Variants in SYT14 observed in about 807,000 individuals in gnomAD.
The protein encoded by SYT14 is synaptotagmin 14.
In SYT14, 32 loss-of-function variants were observed where a neutral mutation model predicts 74.2. The ratio of observed to expected loss-of-function variants is 0.43; its 90% CI spans 0.33 to 0.58. SYT14 has a LOEUF of 0.58. Ranked by LOEUF, SYT14 falls within the 20% of genes least tolerant of loss-of-function variation. The pLI is 0.05. For missense variants in SYT14, 791 were observed against 981.8 expected, an observed-to-expected ratio of 0.81 and a Z score of 2.60; for synonymous variants, 298 against 337.7, an observed-to-expected ratio of 0.88 and a Z score of 1.29.
At chr1:210,009,790 C>G (rs2080052719) in intron 2 of SYT14, among the ~76,000 whole-genome samples, 1 of 152,082 alleles carries the variant, frequency 6.6e-6, no homozygotes, top group Admixed American at 6.5e-5. Context: ...AATTATCTGT[C>G]ATTCTCCTTC....
At chr1:210,161,749 A>T (rs1306673099) in exon 10 of SYT14, 18 of 453,798 alleles carry the variant, frequency 4.0e-5, no homozygotes, top group Admixed American at 3.1e-4. Context: ...AAGTCACTGT[A>T]CTGGTCCCTT....
intron 1 of SYT14, among the ~76,000 whole-genome samples, 156 bp downstream of exon 1, chr1:209,938,433 C>G (rs984872212): frequency 1.3e-5 from 2 of 151,642 alleles, no homozygotes; most frequent in African/African-American, 4.8e-5. Flanking sequence ...TCTCGGGAGG[C>G]GGGTGGGCGG....
intron 2 of SYT14, among the ~76,000 whole-genome samples, chr1:209,967,789 T>A (rs980053472): frequency 6.6e-6 from 1 of 152,092 alleles, no homozygotes; most frequent in Non-Finnish European, 1.5e-5. Flanking sequence ...ATTGTGTATC[T>A]GCTTTCTAGT....
chr1:209,964,699 C>T (rs1026454204), intron 2 of SYT14, among the ~76,000 whole-genome samples: 1 of 152,094 alleles, frequency 6.6e-6, no homozygotes. Context: ...ACTTCCTCAG[C>T]AATGAAAATG....
At chr1:210,015,502 A>G (rs1425591526) in intron 3 of SYT14, among the ~76,000 whole-genome samples, 1 of 152,196 alleles carries the variant, frequency 6.6e-6, no homozygotes, top group Non-Finnish European at 1.5e-5. Flanking sequence ...AGGTGTCCAC[A>G]CTTCCTCTCC....
chr1:210,022,108 A>G (rs948278091), intron 5 of SYT14, among the ~76,000 whole-genome samples: 21 of 152,180 alleles, frequency 1.4e-4, no homozygotes, highest in African/African-American at 4.8e-4. Flanking sequence ...CATTTTTATC[A>G]TTATACATAA....
intron 7 of SYT14, among the ~76,000 whole-genome samples, chr1:210,145,003 A>T (rs1208054716): frequency 6.6e-6 from 1 of 152,204 alleles, no homozygotes; most frequent in Non-Finnish European, 1.5e-5. Flanking sequence ...CAGAAATGTG[A>T]TAGACTAGTA....
chr1:209,957,580 C>T (rs2079013514), intron 2 of SYT14, among the ~76,000 whole-genome samples: 1 of 152,052 alleles, frequency 6.6e-6, no homozygotes, highest in Non-Finnish European at 1.5e-5. Flanking sequence ...GCATGCACCA[C>T]CATGCCCGGC....
At chr1:210,009,471 AG>A (rs1454602155) in intron 2 of SYT14, among the ~76,000 whole-genome samples, 3 of 152,122 alleles carry the variant, frequency 2.0e-5, no homozygotes, top group African/African-American at 7.2e-5. Context: ...TGTTTACAGC[AG>A]GCATATTTCA....
intron 5 of SYT14, among the ~76,000 whole-genome samples, chr1:210,045,257 T>C (rs1468364262): frequency 6.6e-6 from 1 of 152,206 alleles, no homozygotes; most frequent in East Asian, 1.9e-4. Context: ...CTTGTCAAAC[T>C]AAGATCTGTT....
intron 2 of SYT14, among the ~76,000 whole-genome samples, chr1:209,999,965 C>T (rs2079864320): frequency 6.6e-6 from 1 of 152,048 alleles, no homozygotes; most frequent in Admixed American, 6.6e-5. Flanking sequence ...TAAAGTACTC[C>T]AACTTGGTCA....
At chr1:210,003,999 T>G (rs927911155) in intron 2 of SYT14, among the ~76,000 whole-genome samples, 1 of 152,094 alleles carries the variant, frequency 6.6e-6, no homozygotes, top group Non-Finnish European at 1.5e-5. Context: ...AATTTTACTT[T>G]GAAATTGGAG....
At chr1:210,067,154 A>G (rs947762723) in intron 5 of SYT14, among the ~76,000 whole-genome samples, 1 of 152,008 alleles carries the variant, frequency 6.6e-6, no homozygotes, top group African/African-American at 2.4e-5. Flanking sequence ...TCATTGATCT[A>G]CGTGTCTGTC....
chr1:210,139,097 T>A (rs1477509950), intron 7 of SYT14, among the ~76,000 whole-genome samples: 37 of 151,258 alleles, frequency 2.4e-4, no homozygotes. Context: ...TTTATTTTTT[T>A]TTTTTTTGAG....
At chr1:209,973,896 C>G (rs561495358) in intron 2 of SYT14, among the ~76,000 whole-genome samples, 1 of 152,020 alleles carries the variant, frequency 6.6e-6, no homozygotes, top group Non-Finnish European at 1.5e-5. Flanking sequence ...TTTTAATGAT[C>G]GCCATTCTAA....
intron 2 of SYT14, among the ~76,000 whole-genome samples, chr1:209,999,159 A>G (rs1384524958): frequency 1.3e-5 from 2 of 152,014 alleles, no homozygotes; most frequent in Middle Eastern, 3.2e-3. Flanking sequence ...AGACAGTTTC[A>G]TATCACTGAT....
At chr1:210,159,601 T>C in intron 9 of SYT14, 124 bp downstream of exon 8, 1 of 813,902 alleles carries the variant, frequency 1.2e-6, no homozygotes, top group Non-Finnish European at 2.1e-6. Flanking sequence ...TTATTATCTG[T>C]GGTACTTTAA....
At chr1:209,975,505 G>A (rs1204659452) in intron 2 of SYT14, among the ~76,000 whole-genome samples, 2 of 152,112 alleles carry the variant, frequency 1.3e-5, no homozygotes, top group Non-Finnish European at 2.9e-5. Flanking sequence ...GCTGGATTAC[G>A]TTTATTGATT....
intron 5 of SYT14, among the ~76,000 whole-genome samples, chr1:210,055,513 A>G (rs1032955441): frequency 5.3e-5 from 8 of 152,074 alleles, no homozygotes; most frequent in African/African-American, 1.9e-4. Flanking sequence ...TCCTATTAGA[A>G]TGTCTTAAAA....
Sources: allele counts gnomAD v4.1 joint callset (sites outside exome capture counted in the v4.1 genomes callset), GRCh38; gene constraint gnomAD v4.1.1; transcripts MANE v1.5; gene names NCBI Gene and HGNC (gene_info 2026-07-23, HGNC 2026-07-21).